LSM6: variants seen among roughly 807,000 people sequenced by gnomAD.
LSM6 encodes the protein LSM6 homolog, U6 small nuclear RNA and mRNA degradation associated.
A neutral mutation model predicts 13.5 loss-of-function variants in LSM6; 2 were observed. The ratio of observed to expected loss-of-function variants is 0.15; its 90% CI spans 0.06 to 0.47. The LOEUF is 0.47. Among genes scored for constraint, LSM6 ranks in the 20% least tolerant of loss-of-function variants. LSM6 has a pLI of 0.97. For synonymous variants in LSM6, 43 were observed against 34.9 expected (o/e 1.23, Z -0.82); for missense variants, 58 against 96.4 (o/e 0.60, Z 1.67).
intron 3 of LSM6, 144 bp from the exon 4 acceptor site, chr4:146,189,476 ACT>A: frequency 1.6e-6 from 1 of 633,192 alleles, no homozygotes; most frequent in Admixed American, 3.4e-5. Flanking sequence ...GTCTTACAGT[ACT>A]TCTAGAGTTA....
intron 3 of LSM6, among the ~76,000 whole-genome samples, chr4:146,189,411 T>G (rs1277219853): frequency 6.6e-6 from 1 of 152,222 alleles, no homozygotes; most frequent in Non-Finnish European, 1.5e-5. Context: ...GACACATGGA[T>G]GAAATTAGGA....
intron 1 of LSM6, among the ~76,000 whole-genome samples, chr4:146,179,261 T>C (rs17021196): frequency 0.027 from 4,154 of 152,328 alleles, 197 homozygotes; most frequent in African/African-American, 0.095. Flanking sequence ...TTTCCTCTTA[T>C]GTGTTTATGG....
At chr4:146,185,662 CTTGTTTGT>C (rs140691955) in intron 2 of LSM6, among the ~76,000 whole-genome samples, 10,542 of 151,042 alleles carry the variant, frequency 0.07, 848 homozygotes, top group African/African-American at 0.2. Flanking sequence ...GTTGTTGTTG[CTTGTTTGT>C]TTGTTTGTTT....
At chr4:146,187,862 C>T (rs1455276570) in intron 3 of LSM6, among the ~76,000 whole-genome samples, 1 of 152,154 alleles carries the variant, frequency 6.6e-6, no homozygotes, top group African/African-American at 2.4e-5. Context: ...GAAAAAGTTA[C>T]TCAGTTTTTA....
intron 2 of LSM6, among the ~76,000 whole-genome samples, chr4:146,184,034 A>G (rs556058377): frequency 6.6e-6 from 1 of 152,238 alleles, no homozygotes; most frequent in South Asian, 2.1e-4. Flanking sequence ...TCCAAGATCA[A>G]GGTGCCAGCA....
intron 1 of LSM6, chr4:146,176,253 C>T (rs897251179): frequency 6.6e-6 from 1 of 152,282 alleles, no homozygotes; most frequent in Non-Finnish European, 1.5e-5. Flanking sequence ...AGGAGGGCTT[C>T]AGGGAATTGC....
chr4:146,189,146 C>T (rs897489275), intron 3 of LSM6, among the ~76,000 whole-genome samples: 2 of 152,080 alleles, frequency 1.3e-5, no homozygotes, highest in Non-Finnish European at 1.5e-5. Flanking sequence ...CATATACCAC[C>T]ATGCCTGGTT....
rs1157580158 is a variant in LSM6 at position 146,175,823 on chromosome 4, C to G, written c.-11+12C>G. ...TTCCCGCCGGCGAGGTGAGCCGCAC[C>G]GCTGCGCGGGCCGACGACGGGGCCG... On this transcript the variant is annotated intron_variant, in intron 1 of 3. Transcript: ENST00000296581. 6.6e-6 allele frequency: 1 copy of G among 152,456 alleles called. No homozygotes were observed. The highest frequency in any genetic ancestry group is 1.5e-5 in the Non-Finnish European group (1 of 68,240). The allele number at this position is 152,456 out of a possible 1,614,324, so 9.4% of individuals were successfully genotyped here.
chr4:146,182,995 A>G lies in LSM6; in HGVS notation c.74A>G (p.Asn25Ser). 6.2e-7 allele frequency: 1 copy of G among 1,612,006 alleles called. No homozygotes were observed. The highest frequency in any genetic ancestry group is 8.5e-7 in the Non-Finnish European group (1 of 1,178,162). Residue 25 changes from asparagine (N) to serine (S), a missense_variant, in exon 2 of 4, where the codon AAT becomes AGT. Asn to Ser is a conservative substitution (Grantham distance 46, BLOSUM62 1). Transcript: ENST00000296581. ...IIGRPVVVKL[N>S]SGVDYRGVLA... Reference sequence around the variant, plus strand: ...GGACGACCAGTTGTGGTAAAATTAAATTCTGGAGTGGATTATCGAGGTAAT... The same window carrying G: ...GGACGACCAGTTGTGGTAAAATTAAGTTCTGGAGTGGATTATCGAGGTAAT...
In LSM6 at chr4:146,182,168, A is replaced by T. The variant is rs551994099; in HGVS notation, c.-10-744A>T. ...TTAATCTTTCTGTGTCTTCTTCTTC[A>T]TGTGTAAAATGAGGATAAAAACAAT... On this transcript the variant is annotated intron_variant, in intron 1 of 3. Transcript: ENST00000296581. Among the ~76,000 whole-genome samples, 5 of 151,822 alleles carry T rather than the reference A, an allele frequency of 3.3e-5. No individual in the cohort carries two copies. In the East Asian group the frequency reaches 9.6e-4, roughly 29 times the overall value.
intron 1 of LSM6, among the ~76,000 whole-genome samples, chr4:146,179,620 G>A (rs1228811594): frequency 6.6e-6 from 1 of 152,168 alleles, no homozygotes; most frequent in Non-Finnish European, 1.5e-5. Flanking sequence ...AAGCTTGTGA[G>A]CCCCTCTTGT....
At chr4:146,179,953 C>G (rs968905669) in intron 1 of LSM6, among the ~76,000 whole-genome samples, 1 of 152,240 alleles carries the variant, frequency 6.6e-6, no homozygotes, top group Non-Finnish European at 1.5e-5. Flanking sequence ...GTTTGGGAAA[C>G]TGACCCAGAG....
intron 2 of LSM6, among the ~76,000 whole-genome samples, chr4:146,184,345 A>G (rs1233825352): frequency 6.6e-6 from 1 of 151,950 alleles, no homozygotes; most frequent in Non-Finnish European, 1.5e-5. Flanking sequence ...TAATCTCTTG[A>G]GCTTTTTCCT....
intron 1 of LSM6, among the ~76,000 whole-genome samples, chr4:146,179,042 A>G (rs2110878977): frequency 6.6e-6 from 1 of 152,314 alleles, no homozygotes; most frequent in Non-Finnish European, 1.5e-5. Flanking sequence ...AATTCCCTGC[A>G]GGGCACTTTG....
At position 146,189,663 on chromosome 4, in the gene LSM6, C is replaced by T. The variant is rs562414085; in HGVS notation, c.*7C>T. The T allele has an allele frequency of 6.3e-7, 1 of 1,594,554 alleles. No homozygotes were observed. The highest frequency in any genetic ancestry group is 1.7e-5 in the Admixed American group (1 of 57,446). On this transcript the variant is annotated 3_prime_UTR_variant, in exon 4 of 4. Coordinates refer to ENST00000296581, the MANE Select transcript of LSM6 (RefSeq NM_007080.3). Reference sequence around the variant, plus strand: ...ACAGAAGAGACGGATGTGAAGACACCAAGAGAGCAACGCTTTTCATAGTTG... The same window carrying T: ...ACAGAAGAGACGGATGTGAAGACACTAAGAGAGCAACGCTTTTCATAGTTG...
chr4:146,182,877 T>C (rs1316740849), intron 1 of LSM6, 35 bp from the exon 2 acceptor site: 9 of 1,287,420 alleles, frequency 7.0e-6, no homozygotes, highest in East Asian at 2.3e-5. Flanking sequence ...CTTTGGTCTT[T>C]ACCTTTTATT....
chr4:146,182,863 TC>T (rs1160932879), intron 1 of LSM6, 48 bp from the exon 2 acceptor site: 2 of 1,090,948 alleles, frequency 1.8e-6, no homozygotes, highest in Non-Finnish European at 2.8e-6. Context: ...TGTTGAATAA[TC>T]AACTTTGGTC....
intron 2 of LSM6, among the ~76,000 whole-genome samples, chr4:146,185,871 G>A (rs1309630784): frequency 1.3e-5 from 2 of 152,002 alleles, no homozygotes; most frequent in Non-Finnish European, 2.9e-5. Flanking sequence ...CAAGTAGCTG[G>A]GATTACAGGC....
At chr4:146,187,010 G>C (rs553198999) in intron 2 of LSM6, among the ~76,000 whole-genome samples, 16 of 152,316 alleles carry the variant, frequency 1.1e-4, no homozygotes, top group Admixed American at 9.8e-4. Flanking sequence ...AAAAGTTTCT[G>C]TGTGGTCATA....
Sources: gnomAD v4.1 joint callset for allele counts (sites outside exome capture counted in the v4.1 genomes callset) on GRCh38, gnomAD v4.1.1 for gene constraint, MANE v1.5 for transcripts, NCBI Gene and HGNC (gene_info 2026-07-23, HGNC 2026-07-21) for gene names.